Variants in ZNF141 observed in about 807,000 individuals in gnomAD.
The protein encoded by ZNF141 is zinc finger protein 141.
A neutral mutation model predicts 11.3 loss-of-function variants in ZNF141; 7 were observed. The ratio of observed to expected loss-of-function variants is 0.62; its 90% CI spans 0.35 to 1.16. ZNF141 has a LOEUF of 1.16. Among genes scored for constraint, ZNF141 ranks in the 50% most tolerant of loss-of-function variants. The pLI is 0.02. For missense variants in ZNF141, 535 were observed against 554.0 expected (o/e 0.97, Z 0.34); for synonymous variants, 183 against 190.7 (o/e 0.96, Z 0.33).
In ZNF141 at chr4:380,741, G is replaced by A. The variant is rs1437071008; in HGVS notation, c.*6879G>A. On this transcript the variant is annotated 3_prime_UTR_variant, in exon 4 of 4. Coordinates refer to ENST00000240499, the MANE Select transcript of ZNF141 (RefSeq NM_003441.4). ...TTTTACAGAGAAAGAAACAGCCATA[G>A]AGAAAAATGACTTGCTCACAACACA... Among the ~76,000 whole-genome samples, 2 of 152,060 alleles carry A rather than the reference G, an allele frequency of 1.3e-5. No homozygotes were observed. The highest frequency in any genetic ancestry group is 2.9e-5 in the Non-Finnish European group (2 of 68,018).
chr4:382,063 A>G lies in ZNF141; in HGVS notation c.*8201A>G, dbSNP rs1243744065. Among the ~76,000 whole-genome samples the G allele has an allele frequency of 6.7e-6, 1 of 149,712 alleles. No homozygotes were observed. The highest frequency in any genetic ancestry group is 1.5e-5 in the Non-Finnish European group (1 of 67,728). On this transcript the variant is annotated 3_prime_UTR_variant, in exon 4 of 4. Coordinates refer to ENST00000240499, the MANE Select transcript of ZNF141 (RefSeq NM_003441.4). ...CAGGTTCACGCCATTCTCCTGCCTC[A>G]GCCTCCCAAGTAGCTGGGACTACAG...
chr4:355,732 T>A (rs1721810079), intron 3 of ZNF141, among the ~76,000 whole-genome samples: 1 of 152,200 alleles, frequency 6.6e-6, no homozygotes, highest in Non-Finnish European at 1.5e-5. Flanking sequence ...AATAACAATA[T>A]TCTAGGGTTG....
In ZNF141 at chr4:380,853, A is replaced by G. The variant is rs1712580400; in HGVS notation, c.*6991A>G. On this transcript the variant is annotated 3_prime_UTR_variant, in exon 4 of 4. Transcript: ENST00000240499. ...CATGATTATCTTAAACACATTCTTAATAAAAATTTAACAAAAATTGTTAAA... is the reference window on the plus strand; with the variant it reads ...CATGATTATCTTAAACACATTCTTAGTAAAAATTTAACAAAAATTGTTAAA... 6.6e-6 allele frequency among the ~76,000 whole-genome samples: 1 copy of G among 152,174 alleles called. No homozygotes were observed. The highest frequency in any genetic ancestry group is 2.1e-4 in the South Asian group (1 of 4,832).
chr4:349,267 CAAAAAA>C (rs549319235), intron 3 of ZNF141, among the ~76,000 whole-genome samples: 1 of 134,674 alleles, frequency 7.4e-6, no homozygotes, highest in African/African-American at 2.7e-5. Context: ...GGCCCTGTCT[CAAAAAA>C]AAAAAAATCC....
intron 3 of ZNF141, among the ~76,000 whole-genome samples, chr4:352,372 C>T (rs888375094): frequency 1.3e-5 from 2 of 151,448 alleles, no homozygotes; most frequent in Admixed American, 6.6e-5. Context: ...GGTGACAGAG[C>T]GAGACTCCGT....
chr4:383,115 A>C lies in ZNF141; in HGVS notation c.*9253A>C, dbSNP rs1488431481. ...TTCAGAATTCTTCCATCTCTATGAC[A>C]ACAAGCCCATTTTAGCTTTCTGGAG... On this transcript the variant is annotated 3_prime_UTR_variant, in exon 4 of 4. Coordinates refer to ENST00000240499, the MANE Select transcript of ZNF141 (RefSeq NM_003441.4). The C allele has an allele frequency of 1.4e-6, 1 of 700,958 alleles. No homozygotes were observed. The highest frequency in any genetic ancestry group is 1.8e-5 in the African/African-American group (1 of 57,100). 43.4% of individuals were successfully genotyped at this position (700,958 alleles called of 1,614,324 possible).
Position 373,946 on chromosome 4 carries a change from G to C in ZNF141, c.*84G>C. 1 of 1,226,022 alleles carries C rather than the reference G, an allele frequency of 8.2e-7. No individual in the cohort carries two copies. The highest frequency in any genetic ancestry group is 1.2e-6 in the Non-Finnish European group (1 of 868,582). The allele number at this position is 1,226,022 out of a possible 1,614,324, so 75.9% of individuals were successfully genotyped here. A position where few individuals can be genotyped will look rare whatever the true frequency, so the allele number is the denominator to read the frequency against. On this transcript the variant is annotated 3_prime_UTR_variant, in exon 4 of 4. Transcript: ENST00000240499. Reference sequence around the variant, plus strand: ...TGAACATGAGAAAATTTATACTGTAGAGAAACCCTGGAAATGTGAAGAACG... The same window carrying C: ...TGAACATGAGAAAATTTATACTGTACAGAAACCCTGGAAATGTGAAGAACG...
chr4:353,471 T>C (rs868961179), intron 3 of ZNF141, among the ~76,000 whole-genome samples: 14 of 150,276 alleles, frequency 9.3e-5, no homozygotes, highest in Middle Eastern at 6.8e-3. Flanking sequence ...TTATTATTTT[T>C]TTTTTTTTGG....
intron 1 of ZNF141, among the ~76,000 whole-genome samples, chr4:339,391 C>G (rs1313158337): frequency 6.6e-6 from 1 of 152,352 alleles, no homozygotes; most frequent in East Asian, 1.9e-4. Context: ...GCCTTGCCCC[C>G]ACTCAAGGCT....
chr4:363,279 C>T (rs1019919499), intron 3 of ZNF141, among the ~76,000 whole-genome samples: 2 of 152,158 alleles, frequency 1.3e-5, no homozygotes, highest in Non-Finnish European at 1.5e-5. Flanking sequence ...TGGGCTGAGA[C>T]GATGGGGTTT....
Position 373,163 on chromosome 4 carries a change from T to C in ZNF141, c.726T>C (p.Phe242=). 3 of 1,613,408 alleles carry C rather than the reference T, an allele frequency of 1.9e-6. No homozygotes were observed. Among genetic ancestry groups the C allele is most frequent in the South Asian group, 1.1e-5 (1 of 91,038 alleles). The part of the protein sequence containing the change: ...CGSIFTTSSH[F]AKHKIIHTGE... ...GCATCTTTACCACATCCTCACACTT[T>C]GCTAAGCATAAAATAATTCATACTG... Residue 242 remains phenylalanine (F), a synonymous_variant, in exon 4 of 4, where the codon TTT becomes TTC. Coordinates refer to ENST00000240499, the MANE Select transcript of ZNF141 (RefSeq NM_003441.4).
intron 3 of ZNF141, among the ~76,000 whole-genome samples, chr4:348,329 A>G (rs782505680): frequency 2.6e-5 from 4 of 152,170 alleles, no homozygotes; most frequent in African/African-American, 4.8e-5. Flanking sequence ...GCCGAGACCA[A>G]TATCAACAAG....
At chr4:364,798 T>C (rs1553852738) in intron 3 of ZNF141, among the ~76,000 whole-genome samples, 1 of 152,168 alleles carries the variant, frequency 6.6e-6, no homozygotes, top group African/African-American at 2.4e-5. Context: ...GGGACCCACT[T>C]GAGGAGGCAG....
At chr4:358,296 T>C (rs138310776) in intron 3 of ZNF141, 5,154 of 364,232 alleles carry the variant, frequency 0.014, 57 homozygotes, top group Middle Eastern at 0.023. Context: ...CAAGTGATTC[T>C]CCTGCCTCCG....
rs1712634715 is a variant in ZNF141 at position 381,874 on chromosome 4, G to A, written c.*8012G>A. On this transcript the variant is annotated 3_prime_UTR_variant, in exon 4 of 4. Coordinates refer to ENST00000240499, the MANE Select transcript of ZNF141 (RefSeq NM_003441.4). ...TAGTTCATTGCTGGGGCCACCAGAA[G>A]GGTCAAGATGAAATTGCTCAGAGAA... 1.3e-5 allele frequency among the ~76,000 whole-genome samples: 2 copies of A among 151,442 alleles called. No homozygotes were observed. Among genetic ancestry groups the A allele is most frequent in the Non-Finnish European group, 2.9e-5 (2 of 67,956 alleles).
rs1712642041 is a variant in ZNF141 at position 381,965 on chromosome 4, T to TTTTTTTTTTTTTTTTTTTTTTG, written c.*8103_*8104insTTTTTTTTTTTTTTTTTTTTTG. On this transcript the variant is annotated 3_prime_UTR_variant, in exon 4 of 4. Transcript: ENST00000240499. The stretch of plus-strand genomic sequence containing the variant: ...TGGGAACTTTTTTTTTTTTTTTTTT[T>TTTTTTTTTTTTTTTTTTTTTTG]GAGACGGAGTCTCACTCTCGCCCAG... Among the ~76,000 whole-genome samples, 1 of 135,600 alleles carries TTTTTTTTTTTTTTTTTTTTTTG rather than the reference T, an allele frequency of 7.4e-6. No homozygotes were observed. Among genetic ancestry groups the TTTTTTTTTTTTTTTTTTTTTTG allele is most frequent in the Non-Finnish European group, 1.6e-5 (1 of 62,372 alleles). 89.0% of individuals were successfully genotyped at this position (135,600 alleles called of 152,430 possible).
rs1553853821 is a variant in ZNF141, at chr4:372,962, A to G, written c.525A>G (p.Glu175=). 1 of 1,614,152 alleles carries G rather than the reference A, an allele frequency of 6.2e-7. No individual in the cohort carries two copies. Among genetic ancestry groups the G allele is most frequent in the Non-Finnish European group, 8.5e-7 (1 of 1,179,988 alleles). Residue 175 remains glutamate, a synonymous_variant, in exon 4 of 4, where the codon GAA becomes GAG. Transcript: ENST00000240499. ...TRHTGEKHFK[E]CGKSFQKFSH... is the part of the protein sequence containing the mutation. Reference sequence around the variant, plus strand: ...ATACTGGAGAGAAACACTTTAAAGAATGTGGCAAATCATTTCAGAAGTTTT... The same window carrying G: ...ATACTGGAGAGAAACACTTTAAAGAGTGTGGCAAATCATTTCAGAAGTTTT...
intron 3 of ZNF141, among the ~76,000 whole-genome samples, chr4:360,773 G>A (rs1275429063): frequency 6.6e-6 from 1 of 151,964 alleles, no homozygotes; most frequent in Non-Finnish European, 1.5e-5. Flanking sequence ...TATCTATGTG[G>A]TATTTGCCTG....
chr4:372,698 A>G lies in ZNF141; in HGVS notation c.261A>G (p.Pro87=). ...MCSHFTQDHW[P]VQGIEDSFHK... ...CTCATTTCACCCAAGACCATTGGCC[A>G]GTGCAGGGCATAGAAGATTCATTCC... The change falls in exon 4 of 4, where the codon CCA becomes CCG. Residue 87 remains proline (P), a synonymous_variant. Transcript: ENST00000240499. 1 of 1,571,494 alleles carries G rather than the reference A, an allele frequency of 6.4e-7. No homozygotes were observed.
Sources: gnomAD v4.1 joint callset for allele counts (sites outside exome capture counted in the v4.1 genomes callset) on GRCh38, gnomAD v4.1.1 for gene constraint, MANE v1.5 for transcripts, NCBI Gene and HGNC (gene_info 2026-07-23, HGNC 2026-07-21) for gene names.